Variants in NBEA observed in about 807,000 individuals in gnomAD.
NBEA encodes the protein lysosomal-trafficking regulator 2.
NBEA carries 44 observed loss-of-function variants against 343.4 expected under a neutral mutation model. The ratio of observed to expected loss-of-function variants is 0.13; its 90% CI spans 0.10 to 0.16. The LOEUF is 0.16. NBEA is among the 10% of genes least tolerant of loss of function. The pLI is 1.00. For missense variants in NBEA, 2,555 were observed against 3,631.3 expected (o/e 0.70, Z 7.62); for synonymous variants, 1,175 against 1,238.7 (o/e 0.95, Z 1.08).
At chr13:34,973,263 A>T (rs2152500580) in intron 1 of NBEA, among the ~76,000 whole-genome samples, 1 of 152,182 alleles carries the variant, frequency 6.6e-6, no homozygotes, top group Non-Finnish European at 1.5e-5. Flanking sequence ...GGTCTTGCCC[A>T]GTCAGGAGGA....
intron 38 of NBEA, among the ~76,000 whole-genome samples, chr13:35,360,994 CAA>C (rs977496214): frequency 2.6e-5 from 4 of 151,840 alleles, no homozygotes; most frequent in African/African-American, 9.7e-5. Context: ...GTTAGAGACT[CAA>C]GAAGCTCAGA....
At chr13:35,518,711 A>G (rs1175296621) in intron 41 of NBEA, among the ~76,000 whole-genome samples, 3 of 152,208 alleles carry the variant, frequency 2.0e-5, no homozygotes, top group Non-Finnish European at 4.4e-5. Context: ...ATGCCCAATC[A>G]GGTTGAGCAC....
chr13:35,101,356 GTCTT>G, intron 11 of NBEA, among the ~76,000 whole-genome samples: 1 of 151,944 alleles, frequency 6.6e-6, no homozygotes, highest in South Asian at 2.1e-4. Flanking sequence ...TGTTTTGTAT[GTCTT>G]TTTGATTCTG....
At chr13:35,168,141 A>T (rs2070180579) in intron 24 of NBEA, among the ~76,000 whole-genome samples, 1 of 151,702 alleles carries the variant, frequency 6.6e-6, no homozygotes, top group African/African-American at 2.4e-5. Context: ...TGTTTATGTC[A>T]TAGGACTGAT....
intron 1 of NBEA, among the ~76,000 whole-genome samples, chr13:34,968,651 TTTGCAGACCC>T (rs774827844): frequency 6.6e-6 from 1 of 152,192 alleles, no homozygotes; most frequent in Non-Finnish European, 1.5e-5. Flanking sequence ...TAGGTAGTAG[TTTGCAGACCC>T]TTGCTTTAGA....
intron 54 of NBEA, 139 bp from the exon 55 acceptor site, chr13:35,655,440 C>G (rs961612916): frequency 2.3e-6 from 2 of 878,358 alleles, no homozygotes; most frequent in Admixed American, 2.8e-5. Context: ...TTTGTCAGCC[C>G]ATAGATGAAC....
intron 38 of NBEA, among the ~76,000 whole-genome samples, chr13:35,419,263 A>G (rs1415891448): frequency 6.6e-6 from 1 of 152,042 alleles, no homozygotes; most frequent in Non-Finnish European, 1.5e-5. Context: ...TCAAAATACC[A>G]GTAGATTTGG....
intron 38 of NBEA, among the ~76,000 whole-genome samples, chr13:35,431,749 A>G (rs1489305925): frequency 4.6e-5 from 7 of 152,296 alleles, no homozygotes; most frequent in Admixed American, 3.3e-4. Context: ...AATTATTTCA[A>G]TGAATATTTC....
intron 39 of NBEA, among the ~76,000 whole-genome samples, chr13:35,435,089 C>A (rs1455108299): frequency 6.6e-6 from 1 of 152,058 alleles, no homozygotes; most frequent in Non-Finnish European, 1.5e-5. Flanking sequence ...AGTGCAATGG[C>A]GCGATCTCAG....
chr13:35,117,283 G>A lies in NBEA; in HGVS notation c.2003-131G>A, dbSNP rs1593399280. ...ACTCATATATTATTAAAATTTTATA[G>A]CATTAATATAAATATTGTAATTTTA... On this transcript the variant is annotated intron_variant, in intron 13 of 58. Transcript: ENST00000379939. The A allele has an allele frequency of 3.1e-5, 10 of 327,454 alleles. No homozygotes were observed. The East Asian group carries it at 6.3e-4, about 21-fold the overall frequency. The allele number at this position is 327,454 out of a possible 1,614,324, so 20.3% of individuals were successfully genotyped here.
At chr13:35,044,551 G>T (rs2062772373) in intron 2 of NBEA, among the ~76,000 whole-genome samples, 1 of 151,174 alleles carries the variant, frequency 6.6e-6, no homozygotes, top group Admixed American at 6.6e-5. Context: ...TTAAATCTTT[G>T]TACATTTGCA....
chr13:35,512,100 C>T (rs2077299355), intron 41 of NBEA, among the ~76,000 whole-genome samples: 2 of 152,200 alleles, frequency 1.3e-5, no homozygotes, highest in African/African-American at 4.8e-5. Context: ...TCATCAAACT[C>T]ACCCGTCTTG....
intron 38 of NBEA, among the ~76,000 whole-genome samples, chr13:35,392,766 G>A (rs1322828500): frequency 2.0e-5 from 3 of 152,132 alleles, no homozygotes; most frequent in African/African-American, 7.2e-5. Flanking sequence ...TTGAAGTCAG[G>A]TCTTTGAATA....
At chr13:35,630,355 T>G (rs2083395705) in intron 49 of NBEA, among the ~76,000 whole-genome samples, 1 of 152,180 alleles carries the variant, frequency 6.6e-6, no homozygotes, top group African/African-American at 2.4e-5. Context: ...AACTTCTTAA[T>G]GAAACATTAC....
At chr13:35,061,069 C>A (rs2063451698) in intron 8 of NBEA, among the ~76,000 whole-genome samples, 1 of 151,228 alleles carries the variant, frequency 6.6e-6, no homozygotes, top group Non-Finnish European at 1.5e-5. Flanking sequence ...AACATACGGG[C>A]TTCGAAATTA....
At chr13:35,064,667 T>A in intron 8 of NBEA, among the ~76,000 whole-genome samples, 1 of 151,946 alleles carries the variant, frequency 6.6e-6, no homozygotes, top group South Asian at 2.1e-4. Context: ...GACAGGGTCT[T>A]TAAAGAGGTA....
rs57066708 is a variant in NBEA, at chr13:35,048,073, C to G, written c.724-490C>G. Among the ~76,000 whole-genome samples, 1,065 of 151,864 alleles carry G rather than the reference C, an allele frequency of 7.0e-3. 22 individuals are homozygous for G. Among genetic ancestry groups the G allele is most frequent in the African/African-American group, 0.024 (1,005 of 41,470 alleles). ...TGTCATACTTTGCCTTTCTTAGTTT[C>G]AATGTTGTTAGCATTATGAACATTA... is the stretch of plus-strand genomic sequence containing the variant. On this transcript the variant is annotated intron_variant, in intron 4 of 58. Transcript: ENST00000379939.
In NBEA at chr13:35,173,566, A is replaced by C; in HGVS notation, c.4526A>C (p.Gln1509Pro). 1 of 1,611,938 alleles carries C rather than the reference A, an allele frequency of 6.2e-7. No homozygotes were observed. The highest frequency in any genetic ancestry group is 8.5e-7 in the Non-Finnish European group (1 of 1,178,618). ...AGCAGTAAACCTCAGGAAGTTCCTC[A>C]AAGTGTGACTGCTACAGCAGCTTCG... ...HGSSKPQEVP[Q>P]SVTATAASKT... is the part of the protein sequence containing the mutation. Residue 1509 changes from glutamine (Q) to proline (P), a missense_variant, in exon 27 of 59, where the codon CAA becomes CCA. Physicochemically the swap from Gln to Pro is moderately conservative, Grantham distance 76 (BLOSUM62 -1). This residue lies in a region of NBEA where 168 missense variants were observed against 193.0 expected (regional missense o/e 0.87). Coordinates refer to ENST00000379939, the MANE Select transcript of NBEA (RefSeq NM_001385012.1).
At chr13:35,199,422 C>T (rs558446381) in intron 31 of NBEA, among the ~76,000 whole-genome samples, 2 of 152,160 alleles carry the variant, frequency 1.3e-5, no homozygotes, top group South Asian at 2.1e-4. Context: ...TTACCAATAA[C>T]GTGTTTTTCA....
Sources: allele counts gnomAD v4.1 joint callset (sites outside exome capture counted in the v4.1 genomes callset), GRCh38; gene constraint gnomAD v4.1.1; regional missense constraint gnomAD v4.1.1; transcripts MANE v1.5; gene names NCBI Gene and HGNC (gene_info 2026-07-23, HGNC 2026-07-21).